Variants in N4BP2 observed in about 807,000 individuals in gnomAD.
N4BP2 encodes NEDD4-binding protein 2.
N4BP2 carries 91 observed loss-of-function variants against 152.8 expected under a neutral mutation model. The observed-to-expected ratio is 0.60, with a 90% CI of 0.50 to 0.71. The LOEUF is 0.71. N4BP2 is among the 30% of genes least tolerant of loss of function. The pLI is 0.00. For synonymous variants in N4BP2, 646 were observed against 705.3 expected (o/e 0.92, Z 1.33); for missense variants, 1,923 against 2,059.1 (o/e 0.93, Z 1.28).
At chr4:40,091,162 T>A (rs1408547887) in intron 2 of N4BP2, among the ~76,000 whole-genome samples, 6 of 151,988 alleles carry the variant, frequency 3.9e-5, no homozygotes, top group Non-Finnish European at 8.8e-5. Flanking sequence ...TTTTATAGAT[T>A]ATTTGGGATT....
At chr4:40,100,377 T>C (rs1336595732) in intron 3 of N4BP2, among the ~76,000 whole-genome samples, 1 of 150,132 alleles carries the variant, frequency 6.7e-6, no homozygotes, top group African/African-American at 2.5e-5. Context: ...TTTTTTTTTT[T>C]GGTTTCCTTT....
rs376759041 is a variant in N4BP2 at position 40,058,005 on chromosome 4, G to T, written c.-212+975G>T. On this transcript the variant is annotated intron_variant, in intron 1 of 17. Coordinates refer to ENST00000261435, the MANE Select transcript of N4BP2 (RefSeq NM_018177.6). ...GCTGCTTTTTCTACTCGACATCTTTGAGCCAATCAGCAAGGGCTGCTTGCC... is the reference window on the plus strand; with the variant it reads ...GCTGCTTTTTCTACTCGACATCTTTTAGCCAATCAGCAAGGGCTGCTTGCC... Among the ~76,000 whole-genome samples, 6 of 152,270 alleles carry T rather than the reference G, an allele frequency of 3.9e-5. 1 individual carries two copies. The East Asian group carries it at 9.6e-4, about 24-fold the overall frequency.
chr4:40,157,789 A>G lies in N4BP2; in HGVS notation c.*3552A>G, dbSNP rs1288423285. On this transcript the variant is annotated 3_prime_UTR_variant, in exon 18 of 18. Coordinates refer to ENST00000261435, the MANE Select transcript of N4BP2 (RefSeq NM_018177.6). ...TTTAAAAGGTAAAATAAGTTTATGTAGAATGTATGTTCATGGTGCTTATTT... is the reference window on the plus strand; with the variant it reads ...TTTAAAAGGTAAAATAAGTTTATGTGGAATGTATGTTCATGGTGCTTATTT... The G allele has an allele frequency of 2.6e-5, 4 of 152,216 alleles. No individual in the cohort carries two copies. The highest frequency in any genetic ancestry group is 5.9e-5 in the Non-Finnish European group (4 of 68,022). 9.4% of individuals were successfully genotyped at this position (152,216 alleles called of 1,614,324 possible). A position where few individuals can be genotyped will look rare whatever the true frequency, so the allele number is the denominator to read the frequency against.
At chr4:40,114,372 A>G (rs954508275) in intron 7 of N4BP2, among the ~76,000 whole-genome samples, 8 of 152,172 alleles carry the variant, frequency 5.3e-5, no homozygotes, top group Admixed American at 1.3e-4. Context: ...CCCTATGCCT[A>G]CAAGCAGTTA....
At chr4:40,178,705 C>T in the N4BP2 span, among the ~76,000 whole-genome samples, 3 of 152,254 alleles carry the variant, frequency 2.0e-5, no homozygotes, top group Non-Finnish European at 2.9e-5. Context: ...TTTGAACAGA[C>T]TCCGTCTGCA....
In N4BP2 at chr4:40,120,297, G is replaced by A. The variant is rs1168536407; in HGVS notation, c.2186G>A (p.Cys729Tyr). The A allele has an allele frequency of 1.2e-6, 2 of 1,612,862 alleles. No homozygotes were observed. Among genetic ancestry groups the A allele is most frequent in the Admixed American group, 1.7e-5 (1 of 59,582 alleles). The change falls in exon 9 of 18, where the codon TGT becomes TAT. Residue 729 changes from cysteine (C) to tyrosine (Y), a missense_variant. Physicochemically the swap from Cys to Tyr is radical, Grantham distance 194. Coordinates refer to ENST00000261435, the MANE Select transcript of N4BP2 (RefSeq NM_018177.6). ...SMERVSPSTC[C>Y]SENNQEDCDL... is the part of the protein sequence containing the mutation. ...GAGAGAGTATCACCTAGTACTTGCT[G>A]TAGTGAAAATAATCAAGAAGACTGT...
At chr4:40,146,640 A>G (rs980577978) in intron 16 of N4BP2, among the ~76,000 whole-genome samples, 18 of 152,230 alleles carry the variant, frequency 1.2e-4, no homozygotes, top group Non-Finnish European at 2.4e-4. Flanking sequence ...TAGCACATAC[A>G]TCACCTATTG....
rs1425914936 is a variant in N4BP2 at position 40,147,382 on chromosome 4, C to A, written c.5143+2582C>A. On this transcript the variant is annotated intron_variant, in intron 16 of 17. Coordinates refer to ENST00000261435, the MANE Select transcript of N4BP2 (RefSeq NM_018177.6). ...CCACCTTTTCCCCTTTTCTATTCCA[C>A]AAAACCGCCATTGTCATCATGGCAC... 3.3e-5 allele frequency among the ~76,000 whole-genome samples: 5 copies of A among 152,352 alleles called. No individual in the cohort carries two copies. The East Asian group carries it at 9.6e-4, about 29-fold the overall frequency.
Position 40,142,870 on chromosome 4 carries a change from G to A in N4BP2, c.4974+9G>A. 1 of 1,611,534 alleles carries A rather than the reference G, an allele frequency of 6.2e-7. No homozygotes were observed. Among genetic ancestry groups the A allele is most frequent in the Non-Finnish European group, 8.5e-7 (1 of 1,178,720 alleles). ...CCTTTTATGCCCAGCAGGTAAAGTG[G>A]AAAACTGATTATATATTTTTTGTCA... On this transcript the variant is annotated intron_variant, in intron 15 of 17. Transcript: ENST00000261435.
At chr4:40,111,166 C>A (rs1484951087) in intron 5 of N4BP2, among the ~76,000 whole-genome samples, 1 of 152,074 alleles carries the variant, frequency 6.6e-6, no homozygotes, top group Non-Finnish European at 1.5e-5. Context: ...CTTCTGTATA[C>A]CCTTCACTCA....
intron 13 of N4BP2, 135 bp from the exon 14 acceptor site, chr4:40,136,809 A>C: frequency 1.7e-6 from 1 of 603,572 alleles, no homozygotes; most frequent in Non-Finnish European, 2.9e-6. Flanking sequence ...ATGAGCATTT[A>C]ATTTCAAGGT....
intron 16 of N4BP2, among the ~76,000 whole-genome samples, chr4:40,147,180 TA>T (rs1720619403): frequency 6.6e-6 from 1 of 150,596 alleles, no homozygotes; most frequent in South Asian, 2.1e-4. Context: ...TTAATCCATT[TA>T]ACCCTGAGTG....
chr4:40,119,927 T>TA lies in N4BP2; in HGVS notation c.1821-4dup, dbSNP rs1560611814. ...CTCATGATACTCTTTAAAATAATCT[T>TA]ACAGCCCAAGAGACGATGAAGATAT... On this transcript the variant is annotated splice_polypyrimidine_tract_variant and splice_region_variant and intron_variant, in intron 8 of 17. Coordinates refer to ENST00000261435, the MANE Select transcript of N4BP2 (RefSeq NM_018177.6). 1 of 1,307,678 alleles carries TA rather than the reference T, an allele frequency of 7.6e-7. No individual in the cohort carries two copies. Among genetic ancestry groups the TA allele is most frequent in the Non-Finnish European group, 1.1e-6 (1 of 948,976 alleles). 81.0% of individuals were successfully genotyped at this position (1,307,678 alleles called of 1,614,324 possible).
At chr4:40,104,449 T>G (rs376653655) in intron 4 of N4BP2, among the ~76,000 whole-genome samples, 1 of 152,074 alleles carries the variant, frequency 6.6e-6, no homozygotes, top group Non-Finnish European at 1.5e-5. Flanking sequence ...TGGGTTTCTC[T>G]GCTAGTAAAT....
chr4:40,129,830 A>G (rs773562794), intron 12 of N4BP2, among the ~76,000 whole-genome samples: 8 of 152,144 alleles, frequency 5.3e-5, no homozygotes, highest in Non-Finnish European at 7.4e-5. Flanking sequence ...TATACTTTGT[A>G]TATATTTTTT....
In N4BP2 at chr4:40,144,649, G is replaced by A. The variant is rs747632901; in HGVS notation, c.4992G>A (p.Gln1664=). The change falls in exon 16 of 18, where the codon CAG becomes CAA. Residue 1664 remains glutamine, a synonymous_variant. Coordinates refer to ENST00000261435, the MANE Select transcript of N4BP2 (RefSeq NM_018177.6). ...FYAQQGTLHE[Q]KMKEANHLAA... is the part of the protein sequence containing the mutation. The stretch of plus-strand genomic sequence containing the variant: ...TGATTTAGGGTACTCTTCATGAGCA[G>A]AAGATGAAAGAAGCCAATCACCTTG... 4 of 1,612,270 alleles carry A rather than the reference G, an allele frequency of 2.5e-6. No individual in the cohort carries two copies. Among genetic ancestry groups the A allele is most frequent in the African/African-American group, 2.7e-5 (2 of 74,950 alleles).
chr4:40,074,107 T>A (rs1712486060), intron 2 of N4BP2, among the ~76,000 whole-genome samples: 1 of 150,904 alleles, frequency 6.6e-6, no homozygotes, highest in South Asian at 2.1e-4. Context: ...TTGCTTTTTT[T>A]TGAGATGGAG....
At chr4:40,081,233 T>C (rs1713338407) in intron 2 of N4BP2, among the ~76,000 whole-genome samples, 1 of 152,222 alleles carries the variant, frequency 6.6e-6, no homozygotes, top group African/African-American at 2.4e-5. Context: ...AAATCACCTA[T>C]GATTCTATTA....
intron 2 of N4BP2, among the ~76,000 whole-genome samples, chr4:40,094,576 A>G (rs936989102): frequency 8.6e-5 from 13 of 151,674 alleles, no homozygotes; most frequent in African/African-American, 3.2e-4. Context: ...TATTTTTGAG[A>G]TGGAGTTTCG....
Sources: gnomAD v4.1 joint callset for allele counts (sites outside exome capture counted in the v4.1 genomes callset) on GRCh38, gnomAD v4.1.1 for gene constraint, MANE v1.5 for transcripts, NCBI Gene and HGNC (gene_info 2026-07-23, HGNC 2026-07-21) for gene names.